The following PACSIN2 variants were observed in gnomAD, a reference collection of about 807,000 sequenced individuals.
PACSIN2 encodes protein kinase C and casein kinase substrate in neurons protein 2.
PACSIN2 carries 25 observed loss-of-function variants against 63.8 expected under a neutral mutation model. The ratio of observed to expected loss-of-function variants is 0.39; its 90% CI spans 0.29 to 0.55. The LOEUF (loss-of-function observed/expected upper bound fraction) is 0.55. Among genes scored for constraint, PACSIN2 ranks in the 20% least tolerant of loss-of-function variants. PACSIN2 has a pLI of 0.62. For synonymous variants in PACSIN2, 255 were observed against 256.2 expected (o/e 1.00, Z 0.05); for missense variants, 518 against 646.9 (o/e 0.80, Z 2.16).
intron 2 of PACSIN2, among the ~76,000 whole-genome samples, chr22:42,899,663 A>C (rs1273785314): frequency 6.6e-6 from 1 of 152,228 alleles, no homozygotes; most frequent in Non-Finnish European, 1.5e-5. Context: ...CAAGTGCCCT[A>C]CGATGACCCA....
Position 42,870,158 on chromosome 22 carries a change from G to GT in PACSIN2, c.*1198dup, listed in dbSNP as rs1261050207. On this transcript the variant is annotated 3_prime_UTR_variant, in exon 11 of 11. Coordinates refer to ENST00000263246, the MANE Select transcript of PACSIN2 (RefSeq NM_001184970.3). ...AGACCCAGCTTCTGTTTGTGCACAAGTAACACGACGACTGAAATCTGCAAC... is the reference window on the plus strand; with the variant it reads ...AGACCCAGCTTCTGTTTGTGCACAAGTTAACACGACGACTGAAATCTGCAAC... 1 of 152,328 alleles carries GT rather than the reference G, an allele frequency of 6.6e-6. No homozygotes were observed. Among genetic ancestry groups the GT allele is most frequent in the African/African-American group, 2.4e-5 (1 of 41,576 alleles). The allele number at this position is 152,328 out of a possible 1,614,324, so 9.4% of individuals were successfully genotyped here.
chr22:42,925,335 C>T (rs775633551), intron 1 of PACSIN2, among the ~76,000 whole-genome samples: 8 of 151,962 alleles, frequency 5.3e-5, no homozygotes, highest in Non-Finnish European at 1.0e-4. Flanking sequence ...CAAAAATTAG[C>T]TGTGTGTGGT....
chr22:42,913,042 G>A (rs1291171310), intron 1 of PACSIN2, among the ~76,000 whole-genome samples: 1 of 152,214 alleles, frequency 6.6e-6, no homozygotes, highest in African/African-American at 2.4e-5. Flanking sequence ...ATGATTCTCT[G>A]TGACACAGCC....
chr22:42,982,736 G>A (rs1007795138), intron 1 of PACSIN2, among the ~76,000 whole-genome samples: 169 of 138,770 alleles, frequency 1.2e-3, no homozygotes, highest in African/African-American at 4.4e-3. Context: ...CAAACACTGC[G>A]GAAGGCTGCA....
chr22:42,962,777 G>GGGCGGGGC lies in PACSIN2; in HGVS notation c.-77-50621_-77-50620insGCCCCGCC, dbSNP rs67666196. Among the ~76,000 whole-genome samples the GGGCGGGGC allele has an allele frequency of 2.2e-3, 271 of 123,348 alleles. 13 individuals are homozygous for GGGCGGGGC. Among genetic ancestry groups the GGGCGGGGC allele is most frequent in the South Asian group, 3.9e-3 (13 of 3,344 alleles). 80.9% of individuals were successfully genotyped at this position (123,348 alleles called of 152,430 possible). A position where few individuals can be genotyped will look rare whatever the true frequency, so the allele number is the denominator to read the frequency against. ...CAGTCACAAGAGCAAGGTGTGGGCG[G>GGGCGGGGC]GGGGGGGGGGCGGCGCAGAAAAAGA... On this transcript the variant is annotated intron_variant, in intron 1 of 10. Transcript: ENST00000263246.
chr22:42,906,790 G>A (rs1400942974), intron 2 of PACSIN2, among the ~76,000 whole-genome samples: 2 of 152,146 alleles, frequency 1.3e-5, no homozygotes, highest in African/African-American at 2.4e-5. Flanking sequence ...AACCTTAAAC[G>A]AAGATTACGC....
At chr22:42,891,289 C>A in intron 3 of PACSIN2, 107 bp from the exon 4 acceptor site, 1 of 664,038 alleles carries the variant, frequency 1.5e-6, no homozygotes, top group South Asian at 1.9e-5. Flanking sequence ...CAGAGGGTTT[C>A]CTTTCAGGGT....
At position 42,876,243 on chromosome 22, in the gene PACSIN2, C is replaced by T; in HGVS notation, c.1242G>A (p.Gly414=). The T allele has an allele frequency of 1.9e-6, 3 of 1,614,166 alleles. No individual in the cohort carries two copies. The highest frequency in any genetic ancestry group is 2.5e-6 in the Non-Finnish European group (3 of 1,180,020). Residue 414 remains glycine, a synonymous_variant, in exon 10 of 11, where the codon GGG becomes GGA. Coordinates refer to ENST00000263246, the MANE Select transcript of PACSIN2 (RefSeq NM_001184970.3). ...NNPFSSTDAN[G]DSNPFDDDAT... ...CGTCGTCGTCGAATGGATTCGAGTC[C>T]CCATTGGCATCCGTGGAGGAGAAGG... is the stretch of plus-strand genomic sequence containing the variant.
intron 1 of PACSIN2, among the ~76,000 whole-genome samples, chr22:42,925,039 C>T (rs959042991): frequency 1.1e-4 from 16 of 152,010 alleles, no homozygotes; most frequent in South Asian, 2.1e-4. Flanking sequence ...CCACTGCGTC[C>T]GGCCCCAGTG....
chr22:42,871,687 A>G lies in PACSIN2; in HGVS notation c.1349-218T>C, dbSNP rs1229272550. On this transcript the variant is annotated intron_variant, in intron 10 of 10. Transcript: ENST00000263246. This position sits in a 1 kb window ranked among gnomAD's most constrained non-coding sequence, Gnocchi z 5.4. ...AGACCTAGAGATGACAGTCTCACACAGTAATTTGGAACAAGCTGCTCTCAG... is the reference window on the plus strand; with the variant it reads ...AGACCTAGAGATGACAGTCTCACACGGTAATTTGGAACAAGCTGCTCTCAG... 6.6e-6 allele frequency among the ~76,000 whole-genome samples: 1 copy of G among 151,962 alleles called. No homozygotes were observed. The highest frequency in any genetic ancestry group is 1.5e-5 in the Non-Finnish European group (1 of 67,990).
intron 1 of PACSIN2, among the ~76,000 whole-genome samples, chr22:42,967,013 A>T (rs1373842994): frequency 6.6e-6 from 1 of 152,214 alleles, no homozygotes; most frequent in African/African-American, 2.4e-5. Flanking sequence ...CAAACTAAAT[A>T]ATTAACTTAA....
At chr22:42,918,124 G>C (rs1025821617) in intron 1 of PACSIN2, among the ~76,000 whole-genome samples, 1 of 152,168 alleles carries the variant, frequency 6.6e-6, no homozygotes, top group Non-Finnish European at 1.5e-5. Context: ...AGTTGCTATG[G>C]TGGGCATGAC....
chr22:42,905,371 C>T (rs946392533), intron 2 of PACSIN2, among the ~76,000 whole-genome samples: 1 of 152,272 alleles, frequency 6.6e-6, no homozygotes, highest in African/African-American at 2.4e-5. Flanking sequence ...AGAGACCACT[C>T]GGGCTCGGGA....
At chr22:42,897,894 C>T (rs1930398467) in intron 2 of PACSIN2, among the ~76,000 whole-genome samples, 1 of 152,158 alleles carries the variant, frequency 6.6e-6, no homozygotes, top group Non-Finnish European at 1.5e-5. Flanking sequence ...CATGGCAACC[C>T]TGGGGCCCTG....
intron 1 of PACSIN2, among the ~76,000 whole-genome samples, chr22:42,955,146 G>T (rs974534734): frequency 6.6e-6 from 1 of 152,078 alleles, no homozygotes; most frequent in African/African-American, 2.4e-5. Context: ...CTGCTGCTTA[G>T]AAGTCTCTTT....
intron 1 of PACSIN2, among the ~76,000 whole-genome samples, chr22:43,011,423 G>A (rs188539261): frequency 4.7e-4 from 72 of 152,334 alleles, no homozygotes; most frequent in Non-Finnish European, 1.0e-3. Context: ...TCACATGAAG[G>A]TGGCCAGAGA....
chr22:42,931,411 C>T (rs754978062), intron 1 of PACSIN2, among the ~76,000 whole-genome samples: 2 of 152,176 alleles, frequency 1.3e-5, no homozygotes, highest in Non-Finnish European at 2.9e-5. Context: ...TCCAAGCCAG[C>T]GACACCAAGG....
At chr22:42,982,887 A>AAAAAAAAAAAAAGAAC (rs200348918) in intron 1 of PACSIN2, among the ~76,000 whole-genome samples, 1 of 129,498 alleles carries the variant, frequency 7.7e-6, no homozygotes. Context: ...AAAAAAAAAA[A>AAAAAAAAAAAAAGAAC]AAACAACAAC....
intron 8 of PACSIN2, among the ~76,000 whole-genome samples, chr22:42,877,321 T>C (rs1032501432): frequency 2.6e-5 from 4 of 152,000 alleles, no homozygotes; most frequent in African/African-American, 9.7e-5. Context: ...CAAAAGTCGT[T>C]TCCAGGTTCA....
Sources: allele counts gnomAD v4.1 joint callset (sites outside exome capture counted in the v4.1 genomes callset), GRCh38; gene constraint gnomAD v4.1.1; non-coding constraint Gnocchi (gnomAD v3.1); transcripts MANE v1.5; gene names NCBI Gene and HGNC (gene_info 2026-07-23, HGNC 2026-07-21).